MMP16: variants seen among roughly 807,000 people sequenced by gnomAD.
The protein encoded by MMP16 is matrix metallopeptidase 16.
MMP16 carries 12 observed loss-of-function variants against 67.8 expected under a neutral mutation model. The ratio of observed to expected loss-of-function variants is 0.18; its 90% CI spans 0.11 to 0.29. The LOEUF is 0.29. MMP16 is among the 10% of genes least tolerant of loss of function. The probability of loss-of-function intolerance (pLI) is 1.00; values close to 1 mark genes in which losing one functional copy is unlikely to be tolerated. For missense variants in MMP16, 475 were observed against 765.7 expected (o/e 0.62, Z 4.48); for synonymous variants, 249 against 255.9 (o/e 0.97, Z 0.26).
chr8:88,045,499 T>C (rs1586120320), intron 9 of MMP16, among the ~76,000 whole-genome samples: 1 of 152,224 alleles, frequency 6.6e-6, no homozygotes, highest in East Asian at 1.9e-4. Context: ...GGCTCCTGAA[T>C]AGCTGGGACT....
chr8:88,207,207 A>G (rs1224222198), intron 1 of MMP16, among the ~76,000 whole-genome samples: 5 of 152,238 alleles, frequency 3.3e-5, no homozygotes, highest in Admixed American at 3.3e-4. Context: ...AACACAGACT[A>G]TATACGGTGT....
chr8:88,122,882 C>T (rs1807862610), intron 4 of MMP16, among the ~76,000 whole-genome samples: 1 of 151,226 alleles, frequency 6.6e-6, no homozygotes, highest in Non-Finnish European at 1.5e-5. Flanking sequence ...TGACTTCCAT[C>T]TTATCTCTCT....
At chr8:88,168,262 G>GAA (rs1329936462) in intron 3 of MMP16, among the ~76,000 whole-genome samples, 1 of 152,152 alleles carries the variant, frequency 6.6e-6, no homozygotes, top group African/African-American at 2.4e-5. Flanking sequence ...ATAAGAAAGA[G>GAA]AAAGGCAGAT....
chr8:88,274,357 T>C (rs1342507539), intron 1 of MMP16, among the ~76,000 whole-genome samples: 1 of 152,150 alleles, frequency 6.6e-6, no homozygotes, highest in Non-Finnish European at 1.5e-5. Context: ...CCTGCAGGTG[T>C]GTTTTATAAC....
intron 1 of MMP16, among the ~76,000 whole-genome samples, chr8:88,269,447 G>A (rs979160236): frequency 6.6e-6 from 1 of 152,144 alleles, no homozygotes; most frequent in African/African-American, 2.4e-5. Context: ...CCATCTCAGG[G>A]ATGAATTAAG....
intron 1 of MMP16, among the ~76,000 whole-genome samples, chr8:88,219,947 A>C (rs1388894678): frequency 6.6e-6 from 1 of 152,110 alleles, no homozygotes; most frequent in African/African-American, 2.4e-5. Context: ...AGACAAAAGT[A>C]GAAAGAATGG....
intron 7 of MMP16, among the ~76,000 whole-genome samples, chr8:88,063,890 C>T (rs751757653): frequency 1.2e-4 from 18 of 152,054 alleles, no homozygotes; most frequent in Middle Eastern, 3.4e-3. Context: ...CCACTGTATT[C>T]GGCTCATGCT....
chr8:88,127,211 C>G (rs1278501181), intron 4 of MMP16, among the ~76,000 whole-genome samples: 1 of 151,706 alleles, frequency 6.6e-6, no homozygotes, highest in Admixed American at 6.6e-5. Flanking sequence ...GTTTTGAATG[C>G]TAGGTTTGAG....
intron 1 of MMP16, among the ~76,000 whole-genome samples, chr8:88,272,816 T>C (rs1810585907): frequency 6.6e-6 from 1 of 152,278 alleles, no homozygotes; most frequent in African/African-American, 2.4e-5. Flanking sequence ...AAGGGAGTAG[T>C]GACCACCAAA....
chr8:88,301,743 T>C (rs1460947384), intron 1 of MMP16, among the ~76,000 whole-genome samples: 3 of 152,242 alleles, frequency 2.0e-5, no homozygotes, highest in African/African-American at 7.2e-5. Flanking sequence ...AAAATGTATT[T>C]TTTTAAAACT....
chr8:88,228,392 A>C (rs557761936), intron 1 of MMP16, among the ~76,000 whole-genome samples: 1 of 152,238 alleles, frequency 6.6e-6, no homozygotes, highest in African/African-American at 2.4e-5. Flanking sequence ...CTTTTTGAAT[A>C]GAATATTACA....
At chr8:88,322,245 G>A (rs1428673337) in intron 1 of MMP16, among the ~76,000 whole-genome samples, 1 of 152,132 alleles carries the variant, frequency 6.6e-6, no homozygotes, top group Admixed American at 6.5e-5. Flanking sequence ...CGAACGTGAT[G>A]TTGTAAAAGA....
At chr8:88,088,050 ATTAT>A (rs1251490283) in intron 6 of MMP16, among the ~76,000 whole-genome samples, 16 of 2,828 alleles carry the variant, frequency 5.7e-3, no homozygotes, top group African/African-American at 0.019. Flanking sequence ...ATAGATATCT[ATTAT>A]ATCTATATAT....
chr8:88,224,648 T>A (rs1006743735), intron 1 of MMP16, among the ~76,000 whole-genome samples: 44 of 152,030 alleles, frequency 2.9e-4, no homozygotes, highest in African/African-American at 8.2e-4. Flanking sequence ...AAGTAACCTA[T>A]GCTTGAACTG....
At chr8:88,277,626 A>AT (rs1810668232) in intron 1 of MMP16, among the ~76,000 whole-genome samples, 1 of 152,216 alleles carries the variant, frequency 6.6e-6, no homozygotes, top group Non-Finnish European at 1.5e-5. Context: ...TTTGTAAACC[A>AT]TAAGGGTAAT....
At chr8:88,183,973 G>A (rs1201970245) in intron 3 of MMP16, among the ~76,000 whole-genome samples, 2 of 151,550 alleles carry the variant, frequency 1.3e-5, no homozygotes, top group Non-Finnish European at 2.9e-5. Context: ...CTCAAACTCC[G>A]GAGCTCAAGT....
chr8:88,050,940 C>G (rs1052381319), intron 8 of MMP16, among the ~76,000 whole-genome samples: 5 of 152,138 alleles, frequency 3.3e-5, no homozygotes, highest in African/African-American at 1.2e-4. Flanking sequence ...TTATTACACT[C>G]TTTTGTAGGA....
intron 1 of MMP16, among the ~76,000 whole-genome samples, chr8:88,279,557 G>A (rs1373303397): frequency 6.6e-6 from 1 of 152,188 alleles, no homozygotes; most frequent in Non-Finnish European, 1.5e-5. Flanking sequence ...TTGTTCTCAT[G>A]TAGGAGTAAG....
chr8:88,052,304 T>C lies in MMP16; in HGVS notation c.1373+3824A>G, dbSNP rs370838023. ...TCCAGATAAGGTGCTATCTGCTTAA[T>C]TACTTGAGTGAAAAGCCTAGAAGTT... is the stretch of plus-strand genomic sequence containing the variant. On this transcript the variant is annotated intron_variant, in intron 8 of 9. Coordinates refer to ENST00000286614, the MANE Select transcript of MMP16 (RefSeq NM_005941.5). Among the ~76,000 whole-genome samples the C allele has an allele frequency of 1.2e-4, 18 of 152,310 alleles. No homozygotes were observed. In the East Asian group the frequency reaches 2.9e-3, roughly 25 times the overall value.
Sources: gnomAD v4.1 joint callset for allele counts (sites outside exome capture counted in the v4.1 genomes callset) on GRCh38, gnomAD v4.1.1 for gene constraint, MANE v1.5 for transcripts, NCBI Gene and HGNC (gene_info 2026-07-23, HGNC 2026-07-21) for gene names.